The following CCDC178 variants were observed in gnomAD, a reference collection of about 807,000 sequenced individuals.
CCDC178 encodes the protein coiled-coil domain-containing protein 178.
In CCDC178, 126 loss-of-function variants were observed where a neutral mutation model predicts 117.4. That is an observed-to-expected ratio of 1.07 (90% CI 0.93 to 1.24). The LOEUF (loss-of-function observed/expected upper bound fraction) is 1.24, where lower values mean the gene tolerates loss of function less well. Ranked by LOEUF, CCDC178 falls within the 50% of genes most tolerant of loss-of-function variation. The pLI, the probability that CCDC178 is intolerant of heterozygous loss-of-function variation, is 0.00. For synonymous variants in CCDC178, 283 were observed against 313.4 expected (o/e 0.90, Z 1.02); for missense variants, 1,030 against 986.9 (o/e 1.04, Z -0.59).
At chr18:33,336,518 C>G (rs993445564) in intron 9 of CCDC178, among the ~76,000 whole-genome samples, 2 of 152,034 alleles carry the variant, frequency 1.3e-5, no homozygotes, top group African/African-American at 4.8e-5. Context: ...ACTACATGAG[C>G]AAATCTGACA....
At chr18:33,344,419 A>T (rs2062859452) in intron 9 of CCDC178, among the ~76,000 whole-genome samples, 1 of 152,100 alleles carries the variant, frequency 6.6e-6, no homozygotes, top group African/African-American at 2.4e-5. Context: ...TCTGTTTTCT[A>T]AGTAGATCTT....
intron 5 of CCDC178, among the ~76,000 whole-genome samples, chr18:33,376,327 A>C (rs1299974012): frequency 6.6e-6 from 1 of 152,188 alleles, no homozygotes; most frequent in South Asian, 2.1e-4. Context: ...TGCCCTGCTC[A>C]TACCTGAGAG....
intron 11 of CCDC178, among the ~76,000 whole-genome samples, chr18:33,321,900 A>C (rs180812107): frequency 4.6e-5 from 7 of 152,070 alleles, no homozygotes; most frequent in Admixed American, 1.3e-4. Flanking sequence ...TGTTTACAAC[A>C]GATATATCTA....
chr18:33,193,554 T>G (rs987269322), intron 20 of CCDC178, among the ~76,000 whole-genome samples: 1 of 152,166 alleles, frequency 6.6e-6, no homozygotes, highest in Non-Finnish European at 1.5e-5. Flanking sequence ...ATTGCAACAT[T>G]TTTTATATTT....
chr18:33,114,485 C>T (rs2057825639), intron 20 of CCDC178, among the ~76,000 whole-genome samples: 1 of 152,008 alleles, frequency 6.6e-6, no homozygotes, highest in African/African-American at 2.4e-5. Context: ...TGGTTAATAA[C>T]TACTTAACAG....
chr18:33,219,193 C>A (rs2059202594), intron 18 of CCDC178, among the ~76,000 whole-genome samples: 1 of 151,968 alleles, frequency 6.6e-6, no homozygotes, highest in Non-Finnish European at 1.5e-5. Context: ...CATCACTGGA[C>A]ATCAGAGAAA....
At chr18:33,073,535 CTATCTATCTATCTATCTATA>C (rs1419570705) in intron 21 of CCDC178, among the ~76,000 whole-genome samples, 76 of 149,424 alleles carry the variant, frequency 5.1e-4, no homozygotes, top group African/African-American at 1.8e-3. Context: ...ATCTATCTAT[CTATCTATCTATCTATCTATA>C]TATATATCTT....
chr18:33,102,440 A>T (rs1359339763), intron 20 of CCDC178, among the ~76,000 whole-genome samples: 3 of 151,552 alleles, frequency 2.0e-5, no homozygotes, highest in Non-Finnish European at 4.4e-5. Context: ...AAAAAAAAAA[A>T]AATAGGCCTC....
intron 21 of CCDC178, among the ~76,000 whole-genome samples, chr18:33,053,766 C>A (rs375905549): frequency 6.6e-6 from 1 of 152,060 alleles, no homozygotes; most frequent in Non-Finnish European, 1.5e-5. Context: ...GTTTCAAGAA[C>A]GCATTTGTAT....
chr18:33,131,410 A>G (rs2058067653), intron 20 of CCDC178, among the ~76,000 whole-genome samples: 1 of 151,828 alleles, frequency 6.6e-6, no homozygotes, highest in Non-Finnish European at 1.5e-5. Context: ...ATGCCCAAAC[A>G]GAACTATGAA....
At chr18:33,106,131 T>C (rs1488333204) in intron 20 of CCDC178, among the ~76,000 whole-genome samples, 6 of 151,618 alleles carry the variant, frequency 4.0e-5, no homozygotes, top group Non-Finnish European at 5.9e-5. Flanking sequence ...TTATATAATA[T>C]ACTGCTGTCT....
chr18:33,345,824 C>T (rs2062884462), intron 9 of CCDC178, among the ~76,000 whole-genome samples: 1 of 152,084 alleles, frequency 6.6e-6, no homozygotes, highest in Admixed American at 6.5e-5. Flanking sequence ...GGTTTATATG[C>T]AAAACAATAT....
intron 11 of CCDC178, 21 bp downstream of exon 11, chr18:33,323,470 G>C: frequency 1.4e-6 from 2 of 1,409,206 alleles, no homozygotes; most frequent in South Asian, 1.8e-5. Flanking sequence ...GCTATAATTA[G>C]TGTTTGCGAA....
intron 6 of CCDC178, among the ~76,000 whole-genome samples, chr18:33,365,914 T>C (rs2063198965): frequency 6.6e-6 from 1 of 152,102 alleles, no homozygotes; most frequent in Admixed American, 6.6e-5. Context: ...TCCAGATTCT[T>C]TGCAAAAACA....
intron 2 of CCDC178, among the ~76,000 whole-genome samples, chr18:33,418,362 A>T (rs2063974966): frequency 6.6e-6 from 1 of 152,154 alleles, no homozygotes; most frequent in African/African-American, 2.4e-5. Context: ...CCATCTAATA[A>T]GACAAACCCA....
chr18:33,069,894 C>T (rs78384394), intron 21 of CCDC178, among the ~76,000 whole-genome samples: 3 of 151,868 alleles, frequency 2.0e-5, no homozygotes, highest in African/African-American at 7.2e-5. Context: ...CAAAAGGAGA[C>T]ACACAAATGA....
intron 21 of CCDC178, among the ~76,000 whole-genome samples, chr18:32,996,179 A>G (rs2039940432): frequency 6.6e-6 from 1 of 151,972 alleles, no homozygotes; most frequent in Non-Finnish European, 1.5e-5. Context: ...TATTAGAAAT[A>G]TAAAATCCTG....
intron 20 of CCDC178, among the ~76,000 whole-genome samples, chr18:33,205,934 T>A (rs1388309020): frequency 6.6e-6 from 1 of 152,178 alleles, no homozygotes; most frequent in Admixed American, 6.5e-5. Context: ...GCTCAAGTGA[T>A]CTGCCCACTT....
At chr18:33,087,566 T>TTGTGTGTGTG (rs57033642) in intron 21 of CCDC178, among the ~76,000 whole-genome samples, 1,542 of 146,106 alleles carry the variant, frequency 0.011, 8 homozygotes, top group Middle Eastern at 0.021. Context: ...CCAAAGCCAT[T>TTGTGTGTGTG]TGTGTGTGTG....
Sources: allele counts gnomAD v4.1 joint callset (sites outside exome capture counted in the v4.1 genomes callset), GRCh38; gene constraint gnomAD v4.1.1; transcripts MANE v1.5; gene names NCBI Gene and HGNC (gene_info 2026-07-23, HGNC 2026-07-21).